CNR2: variants seen among roughly 807,000 people sequenced by gnomAD.
CNR2 encodes the protein cannabinoid receptor 2, also known as cannabinoid receptor 2 (macrophage).
For missense variants in CNR2, 379 were observed against 439.9 expected (o/e 0.86, Z 1.24); for synonymous variants, 172 against 182.2 (o/e 0.94, Z 0.45).
intron 1 of CNR2, among the ~76,000 whole-genome samples, chr1:23,910,816 C>T (rs1411502843): frequency 2.0e-5 from 3 of 152,024 alleles, no homozygotes; most frequent in Non-Finnish European, 4.4e-5. Context: ...ATGTAACTTG[C>T]CCCAGGTTGC....
In CNR2 at chr1:23,902,606, G is replaced by C. The variant is rs1048273817; in HGVS notation, c.-46+10640C>G. The C allele has an allele frequency of 6.8e-5, 109 of 1,603,062 alleles. No individual in the cohort carries two copies. In the Admixed American group the frequency reaches 1.7e-3, roughly 25 times the overall value. ...CCCAGTAGAACATGGCATAGAAGAC[G>C]GAGCTGCAGACAGCCAGGACGTACT... On this transcript the variant is annotated intron_variant, in intron 1 of 1. Coordinates refer to ENST00000374472, the MANE Select transcript of CNR2 (RefSeq NM_001841.3).
In CNR2 at chr1:23,875,411, T is replaced by A. The variant is rs201896220; in HGVS notation, c.207A>T (p.Ser69=). Residue 69 remains serine (S), a synonymous_variant, in exon 2 of 2, where the codon TCA becomes TCT. Coordinates refer to ENST00000374472, the MANE Select transcript of CNR2 (RefSeq NM_001841.3). ...CAGCCAAGCTGCCAATGAACAGGTATGAGGGCTTCCGGCGGAGTTGGTGGG... is the reference window on the plus strand; with the variant it reads ...CAGCCAAGCTGCCAATGAACAGGTAAGAGGGCTTCCGGCGGAGTTGGTGGG... ...LSSHQLRRKP[S]YLFIGSLAGA... 170 of 1,614,212 alleles carry A rather than the reference T, an allele frequency of 1.1e-4. 1 individual carries two copies. In the East Asian group the frequency reaches 3.8e-3, roughly 36 times the overall value.
intron 1 of CNR2, among the ~76,000 whole-genome samples, chr1:23,912,768 C>T (rs541815091): frequency 1.3e-5 from 2 of 152,314 alleles, no homozygotes; most frequent in South Asian, 4.1e-4. Flanking sequence ...AACTTTCCTG[C>T]GACTGGTCCT....
At chr1:23,879,187 A>G (rs1374225178) in intron 1 of CNR2, among the ~76,000 whole-genome samples, 1 of 151,606 alleles carries the variant, frequency 6.6e-6, no homozygotes, top group African/African-American at 2.4e-5. Flanking sequence ...CCAGCTACTC[A>G]GGAGACTGAG....
intron 1 of CNR2, among the ~76,000 whole-genome samples, chr1:23,882,296 T>C (rs977890153): frequency 6.6e-6 from 1 of 152,078 alleles, no homozygotes; most frequent in African/African-American, 2.4e-5. Flanking sequence ...GTTTTCACGC[T>C]CACGTGTGAG....
intron 1 of CNR2, among the ~76,000 whole-genome samples, chr1:23,890,349 G>A (rs991963894): frequency 6.6e-6 from 1 of 151,810 alleles, no homozygotes; most frequent in African/African-American, 2.4e-5. Context: ...GAGAGCCAAG[G>A]CAGATAGAAC....
At chr1:23,903,179 G>A (rs1439674890) in intron 1 of CNR2, among the ~76,000 whole-genome samples, 1 of 152,098 alleles carries the variant, frequency 6.6e-6, no homozygotes, top group Non-Finnish European at 1.5e-5. Flanking sequence ...AGCGCAGCCG[G>A]GCCAGGCCTG....
rs180861139 is a variant in CNR2, at chr1:23,911,535, C to T, written c.-46+1711G>A. 3.2e-4 allele frequency among the ~76,000 whole-genome samples: 48 copies of T among 152,230 alleles called. No homozygotes were observed. The Middle Eastern group carries it at 0.01, about 32-fold the overall frequency. The stretch of plus-strand genomic sequence containing the variant: ...GGATGGGAGTGAGGGAAGCTCAGTG[C>T]ACTTGGAGATTAAATTTCCTCCTAG... On this transcript the variant is annotated intron_variant, in intron 1 of 1. Coordinates refer to ENST00000374472, the MANE Select transcript of CNR2 (RefSeq NM_001841.3).
intron 1 of CNR2, among the ~76,000 whole-genome samples, chr1:23,897,756 G>T (rs1033627867): frequency 1.3e-5 from 2 of 152,136 alleles, no homozygotes; most frequent in East Asian, 3.9e-4. Flanking sequence ...CACCACGCCC[G>T]CCCTGAAGTA....
chr1:23,904,554 T>C (rs1640456858), intron 1 of CNR2, among the ~76,000 whole-genome samples: 2 of 152,310 alleles, frequency 1.3e-5, no homozygotes, highest in African/African-American at 4.8e-5. Flanking sequence ...TATTTGATGC[T>C]CTGTGATATT....
chr1:23,881,968 C>T (rs1639995872), intron 1 of CNR2, among the ~76,000 whole-genome samples: 1 of 151,152 alleles, frequency 6.6e-6, no homozygotes, highest in Non-Finnish European at 1.5e-5. Flanking sequence ...TGTGCCCAGG[C>T]TGGAGTGCAG....
chr1:23,878,444 A>AT (rs34398263), intron 1 of CNR2, among the ~76,000 whole-genome samples: 94,517 of 149,662 alleles, frequency 0.63, 29,976 homozygotes, highest in African/African-American at 0.75. Flanking sequence ...CCAAAGCAGA[A>AT]TTTTTTTTTT....
intron 1 of CNR2, among the ~76,000 whole-genome samples, chr1:23,898,335 C>CCAATTTTTT (rs1230917304): frequency 3.5e-4 from 38 of 108,180 alleles, no homozygotes; most frequent in Middle Eastern, 6.8e-3. Flanking sequence ...CCGCGCCCGG[C>CCAATTTTTT]TTTTTTTTTT....
At chr1:23,905,722 C>T (rs1032452552) in intron 1 of CNR2, among the ~76,000 whole-genome samples, 15 of 152,028 alleles carry the variant, frequency 9.9e-5, no homozygotes, top group Admixed American at 2.6e-4. Flanking sequence ...ACTCAGGCCA[C>T]GGAGAGACGA....
intron 1 of CNR2, chr1:23,902,471 C>G: frequency 6.2e-7 from 1 of 1,601,326 alleles, no homozygotes; most frequent in Non-Finnish European, 8.5e-7. Flanking sequence ...TGGCCAGCAC[C>G]GTATCCGCTT....
intron 1 of CNR2, among the ~76,000 whole-genome samples, chr1:23,884,479 T>C (rs1640052229): frequency 6.7e-6 from 1 of 149,908 alleles, no homozygotes; most frequent in Non-Finnish European, 1.5e-5. Flanking sequence ...CTAATTTTTG[T>C]ATTTTTAGCA....
Position 23,874,384 on chromosome 1 carries a change from G to A in CNR2, c.*151C>T. The A allele has an allele frequency of 2.4e-6, 2 of 835,236 alleles. No homozygotes were observed. Among genetic ancestry groups the A allele is most frequent in the African/African-American group, 1.7e-5 (1 of 58,316 alleles). 51.7% of individuals were successfully genotyped at this position (835,236 alleles called of 1,614,324 possible). A position where few individuals can be genotyped will look rare whatever the true frequency, so the allele number is the denominator to read the frequency against. ...TGGGCAAGGCCAGGCTGTCTTCCAGGAGTCAGTCCCAACACTCATCAGCAA... is the reference window on the plus strand; with the variant it reads ...TGGGCAAGGCCAGGCTGTCTTCCAGAAGTCAGTCCCAACACTCATCAGCAA... On this transcript the variant is annotated 3_prime_UTR_variant, in exon 2 of 2. Coordinates refer to ENST00000374472, the MANE Select transcript of CNR2 (RefSeq NM_001841.3).
chr1:23,892,229 A>G (rs1640204118), intron 1 of CNR2, among the ~76,000 whole-genome samples: 1 of 152,188 alleles, frequency 6.6e-6, no homozygotes, highest in South Asian at 2.1e-4. Context: ...AGTCACTCCT[A>G]AAATGGGTTT....
chr1:23,876,855 G>T (rs745534158), intron 1 of CNR2, among the ~76,000 whole-genome samples: 15 of 139,316 alleles, frequency 1.1e-4, no homozygotes, highest in Non-Finnish European at 1.9e-4. Context: ...AAAAAAAAAA[G>T]ATGAATGTCA....
Sources: allele counts gnomAD v4.1 joint callset (sites outside exome capture counted in the v4.1 genomes callset), GRCh38; gene constraint gnomAD v4.1.1; transcripts MANE v1.5; gene names NCBI Gene and HGNC (gene_info 2026-07-23, HGNC 2026-07-21).